Variants in CNBD1 observed in about 807,000 individuals in gnomAD.
The protein encoded by CNBD1 is cyclic nucleotide binding domain containing 1.
In CNBD1, 71 loss-of-function variants were observed where a neutral mutation model predicts 54.4. The observed-to-expected ratio is 1.30, with a 90% CI of 1.08 to 1.59. The LOEUF is 1.59. Among genes scored for constraint, CNBD1 ranks in the 40% most tolerant of loss-of-function variants. The pLI, the probability that CNBD1 is intolerant of heterozygous loss-of-function variation, is 0.00. For synonymous variants in CNBD1, 182 were observed against 170.7 expected, an observed-to-expected ratio of 1.07 and a Z score of -0.51; for missense variants, 659 against 518.0, an observed-to-expected ratio of 1.27 and a Z score of -2.64.
intron 8 of CNBD1, among the ~76,000 whole-genome samples, chr8:87,296,300 C>T (rs1808874229): frequency 6.6e-6 from 1 of 151,978 alleles, no homozygotes; most frequent in African/African-American, 2.4e-5. Context: ...TTTGGGAATG[C>T]CTTCTGCATG....
At chr8:86,967,915 T>C (rs1219375876) in intron 4 of CNBD1, among the ~76,000 whole-genome samples, 1 of 152,084 alleles carries the variant, frequency 6.6e-6, no homozygotes, top group African/African-American at 2.4e-5. Context: ...GAAACTGCAG[T>C]AAATAGGCCT....
intron 4 of CNBD1, among the ~76,000 whole-genome samples, chr8:86,978,709 AT>A (rs1239503282): frequency 1.3e-5 from 2 of 151,606 alleles, no homozygotes; most frequent in Non-Finnish European, 2.9e-5. Context: ...CGCCTGGCTA[AT>A]TTTTGTATTT....
chr8:87,142,190 A>T (rs1010012790), intron 4 of CNBD1, among the ~76,000 whole-genome samples: 1 of 152,120 alleles, frequency 6.6e-6, no homozygotes, highest in Non-Finnish European at 1.5e-5. Flanking sequence ...TGTGTTTGGG[A>T]GAGGTGTGAA....
intron 8 of CNBD1, among the ~76,000 whole-genome samples, chr8:87,337,535 A>T (rs781631164): frequency 6.6e-6 from 1 of 152,244 alleles, no homozygotes; most frequent in Non-Finnish European, 1.5e-5. Flanking sequence ...GCTTAGGCCA[A>T]TTCTAGCTGA....
At chr8:87,237,494 A>G (rs1807608124) in intron 6 of CNBD1, among the ~76,000 whole-genome samples, 1 of 151,508 alleles carries the variant, frequency 6.6e-6, no homozygotes, top group African/African-American at 2.4e-5. Flanking sequence ...ATGTATGTTT[A>G]TTATGTTTGT....
intron 3 of CNBD1, among the ~76,000 whole-genome samples, chr8:86,926,499 A>G (rs1309774195): frequency 6.6e-6 from 1 of 152,220 alleles, no homozygotes. Flanking sequence ...AGTAATACCA[A>G]GATGGCTGTC....
At chr8:87,152,476 C>T (rs931778223) in intron 4 of CNBD1, among the ~76,000 whole-genome samples, 66 of 149,680 alleles carry the variant, frequency 4.4e-4, no homozygotes, top group Non-Finnish European at 8.3e-4. Flanking sequence ...AATCTCATAA[C>T]GTTTTAAGAA....
intron 3 of CNBD1, among the ~76,000 whole-genome samples, chr8:86,933,982 T>C (rs1053852015): frequency 6.6e-6 from 1 of 152,166 alleles, no homozygotes; most frequent in African/African-American, 2.4e-5. Flanking sequence ...TCTATTCATA[T>C]ATTGTACAGT....
At chr8:87,106,673 G>C (rs1271872949) in intron 4 of CNBD1, among the ~76,000 whole-genome samples, 3 of 151,716 alleles carry the variant, frequency 2.0e-5, no homozygotes, top group Non-Finnish European at 1.5e-5. Context: ...TCCTATCTTT[G>C]AGCTTCCATG....
intron 5 of CNBD1, among the ~76,000 whole-genome samples, chr8:87,232,094 A>G (rs770642489): frequency 7.9e-5 from 12 of 152,172 alleles, no homozygotes; most frequent in Non-Finnish European, 1.8e-4. Flanking sequence ...TCCATGTTGT[A>G]TGAATCAATA....
At chr8:87,156,821 G>A (rs192068560) in intron 4 of CNBD1, among the ~76,000 whole-genome samples, 13 of 152,066 alleles carry the variant, frequency 8.5e-5, no homozygotes, top group Admixed American at 3.9e-4. Flanking sequence ...GCAATTATTC[G>A]TCAGAAACTC....
intron 4 of CNBD1, among the ~76,000 whole-genome samples, chr8:87,188,516 G>T (rs562365540): frequency 1.3e-5 from 2 of 152,094 alleles, no homozygotes; most frequent in Non-Finnish European, 2.9e-5. Context: ...GATCACCTGA[G>T]GTCACGAGTT....
intron 8 of CNBD1, among the ~76,000 whole-genome samples, chr8:87,349,838 C>G (rs1274644924): frequency 6.6e-6 from 1 of 152,180 alleles, no homozygotes; most frequent in African/African-American, 2.4e-5. Context: ...GAGACTGCGT[C>G]ATAGATTTTG....
At chr8:87,250,696 T>A (rs1350455671) in intron 6 of CNBD1, among the ~76,000 whole-genome samples, 1 of 152,166 alleles carries the variant, frequency 6.6e-6, no homozygotes, top group Non-Finnish European at 1.5e-5. Context: ...TGGAGGACAT[T>A]ATATCAAGTG....
intron 8 of CNBD1, among the ~76,000 whole-genome samples, chr8:87,291,684 A>G (rs139889553): frequency 8.6e-4 from 131 of 152,198 alleles, no homozygotes; most frequent in African/African-American, 3.0e-3. Flanking sequence ...AGGTCTCATT[A>G]TATTATCCAG....
intron 8 of CNBD1, among the ~76,000 whole-genome samples, chr8:87,302,548 TG>T (rs1157310911): frequency 6.6e-6 from 1 of 151,924 alleles, no homozygotes; most frequent in East Asian, 1.9e-4. Flanking sequence ...GGGCAAAAAC[TG>T]GAAGCATTCC....
At chr8:87,176,077 G>T (rs770732232) in intron 4 of CNBD1, among the ~76,000 whole-genome samples, 1 of 152,224 alleles carries the variant, frequency 6.6e-6, no homozygotes, top group Non-Finnish European at 1.5e-5. Flanking sequence ...CGTGACCGCT[G>T]CAGGGGCAGG....
intron 4 of CNBD1, among the ~76,000 whole-genome samples, chr8:87,184,215 G>A (rs1042209149): frequency 2.6e-5 from 4 of 152,172 alleles, no homozygotes; most frequent in Admixed American, 6.5e-5. Flanking sequence ...AATGTAATAG[G>A]CAGTGAGCAA....
intron 4 of CNBD1, among the ~76,000 whole-genome samples, chr8:87,074,787 G>C (rs1810834182): frequency 6.6e-6 from 1 of 152,084 alleles, no homozygotes. Flanking sequence ...GTGAGAACCT[G>C]GATATTTCAG....
Sources: allele counts gnomAD v4.1 joint callset (sites outside exome capture counted in the v4.1 genomes callset), GRCh38; gene constraint gnomAD v4.1.1; transcripts MANE v1.5; gene names NCBI Gene and HGNC (gene_info 2026-07-23, HGNC 2026-07-21).